The following NSL1 variants were observed in gnomAD, a reference collection of about 807,000 sequenced individuals.
The protein encoded by NSL1 is kinetochore-associated protein NSL1 homolog.
Under a neutral mutation model 25.4 loss-of-function variants are expected in NSL1, and 11 were observed. That is an observed-to-expected ratio of 0.43 (90% confidence interval 0.27 to 0.72). The LOEUF (loss-of-function observed/expected upper bound fraction) is 0.72, where lower values mean the gene tolerates loss of function less well. Ranked by LOEUF, NSL1 falls within the 30% of genes least tolerant of loss-of-function variation. The probability of loss-of-function intolerance (pLI) is 0.19; values close to 1 mark genes in which losing one functional copy is unlikely to be tolerated. For synonymous variants in NSL1, 118 were observed against 120.6 expected (o/e 0.98, Z 0.14); for missense variants, 330 against 342.7 (o/e 0.96, Z 0.29).
chr1:212,739,856 A>G (rs41314540), intron 4 of NSL1, among the ~76,000 whole-genome samples: 3,467 of 152,334 alleles, frequency 0.023, 64 homozygotes, highest in South Asian at 0.042. Flanking sequence ...AGAGAGTTCA[A>G]TGTTCATTCT....
chr1:212,739,674 T>C, intron 4 of NSL1, 73 bp from the exon 5 acceptor site: 1 of 1,446,602 alleles, frequency 6.9e-7, no homozygotes, highest in Non-Finnish European at 9.6e-7. Context: ...ATAGATACTA[T>C]CTGAAAGGCA....
intron 4 of NSL1, among the ~76,000 whole-genome samples, chr1:212,769,252 A>G (rs990682856): frequency 6.6e-6 from 1 of 152,214 alleles, no homozygotes; most frequent in Non-Finnish European, 1.5e-5. Flanking sequence ...ACACATACAG[A>G]TACAGGAAGC....
chr1:212,786,917 AC>A (rs1196872229), intron 2 of NSL1, among the ~76,000 whole-genome samples: 2 of 152,094 alleles, frequency 1.3e-5, no homozygotes, highest in African/African-American at 4.8e-5. Flanking sequence ...GCAGTGGCTC[AC>A]ATATGTAATA....
rs1384450953 is a variant in NSL1 at position 212,728,319 on chromosome 1, G to T, written c.*10089C>A. ...TTTGTACAATTCCAGGCATAAAGTG[G>T]ATTCTTTATATGCCTGTTTTAAAAA... On this transcript the variant is annotated 3_prime_UTR_variant, in exon 6 of 6. Transcript: ENST00000366977. 1.0e-6 allele frequency: 1 copy of T among 983,032 alleles called. No homozygotes were observed. The highest frequency in any genetic ancestry group is 6.1e-5 in the Admixed American group (1 of 16,264). 60.9% of individuals were successfully genotyped at this position (983,032 alleles called of 1,614,324 possible). A position where few individuals can be genotyped will look rare whatever the true frequency, so the allele number is the denominator to read the frequency against.
chr1:212,743,002 C>T (rs1658573260), intron 4 of NSL1, among the ~76,000 whole-genome samples: 1 of 152,114 alleles, frequency 6.6e-6, no homozygotes. Context: ...GCTGCTTTTG[C>T]AATAACTAAA....
At chr1:212,739,659 G>C in intron 4 of NSL1, 58 bp from the exon 5 acceptor site, 1 of 1,535,434 alleles carries the variant, frequency 6.5e-7, no homozygotes, top group Middle Eastern at 1.7e-4. Flanking sequence ...AATCATAAAA[G>C]GCATATAGAT....
intron 4 of NSL1, among the ~76,000 whole-genome samples, chr1:212,761,879 G>T (rs1438029270): frequency 6.6e-6 from 1 of 151,558 alleles, no homozygotes; most frequent in Non-Finnish European, 1.5e-5. Context: ...ACTAGATCGG[G>T]GTGTCCAATC....
intron 3 of NSL1, among the ~76,000 whole-genome samples, chr1:212,783,123 A>G (rs550827686): frequency 1.4e-4 from 22 of 152,156 alleles, no homozygotes; most frequent in Non-Finnish European, 2.1e-4. Context: ...TCTGAGCAAC[A>G]AGGAGGGAAG....
chr1:212,744,155 G>A (rs982434926), intron 4 of NSL1, among the ~76,000 whole-genome samples: 2 of 152,198 alleles, frequency 1.3e-5, no homozygotes, highest in Admixed American at 6.5e-5. Context: ...GGCAAAGGCC[G>A]TTATGAACTG....
intron 4 of NSL1, among the ~76,000 whole-genome samples, chr1:212,758,967 G>C (rs958157700): frequency 2.0e-5 from 3 of 152,144 alleles, no homozygotes; most frequent in Non-Finnish European, 4.4e-5. Flanking sequence ...TGAGAGTTCA[G>C]AAAGAAATCT....
rs1309710221 is a variant in NSL1, at chr1:212,729,397, T to C, written c.*9011A>G. ...CATCCACACAGCTCTTAGCACAGTA[T>C]TTAGATTCATCGAGTATGTGTGTAA... On this transcript the variant is annotated 3_prime_UTR_variant, in exon 6 of 6. Coordinates refer to ENST00000366977, the MANE Select transcript of NSL1 (RefSeq NM_015471.4). 14 of 983,284 alleles carry C rather than the reference T, an allele frequency of 1.4e-5. No individual in the cohort carries two copies. Among genetic ancestry groups the C allele is most frequent in the Non-Finnish European group, 1.6e-5 (13 of 828,094 alleles). The allele number at this position is 983,284 out of a possible 1,614,324, so 60.9% of individuals were successfully genotyped here.
At chr1:212,766,946 C>T (rs1321105061) in intron 4 of NSL1, among the ~76,000 whole-genome samples, 1 of 152,182 alleles carries the variant, frequency 6.6e-6, no homozygotes. Flanking sequence ...ACAGATGACA[C>T]AAACAAATGG....
rs1571852532 is a variant in NSL1, at chr1:212,729,505, T to A, written c.*8903A>T. ...AGATCCTGAGGCTCTGGAGCTGGGG[T>A]GTATGGGACCTGGAGCAGGGGTGCC... On this transcript the variant is annotated 3_prime_UTR_variant, in exon 6 of 6. Transcript: ENST00000366977. The A allele has an allele frequency of 2.6e-5, 26 of 985,158 alleles. No individual in the cohort carries two copies. The highest frequency in any genetic ancestry group is 3.5e-5 in the African/African-American group (2 of 57,186). 61.0% of individuals were successfully genotyped at this position (985,158 alleles called of 1,614,324 possible).
chr1:212,772,344 A>C (rs1660158556), intron 4 of NSL1, among the ~76,000 whole-genome samples: 1 of 152,106 alleles, frequency 6.6e-6, no homozygotes, highest in South Asian at 2.1e-4. Flanking sequence ...AAATACCAAT[A>C]ACATTCCTCA....
intron 2 of NSL1, among the ~76,000 whole-genome samples, chr1:212,785,069 A>G (rs141620554): frequency 4.6e-5 from 7 of 152,346 alleles, no homozygotes; most frequent in Non-Finnish European, 8.8e-5. Context: ...GATAAAATAT[A>G]TAAGAACCAG....
rs547548079 is a variant in NSL1 at position 212,734,798 on chromosome 1, T to G, written c.*3610A>C. Among the ~76,000 whole-genome samples, 3 of 152,338 alleles carry G rather than the reference T, an allele frequency of 2.0e-5. No individual in the cohort carries two copies. The highest frequency in any genetic ancestry group is 7.2e-5 in the African/African-American group (3 of 41,582). Reference sequence around the variant, plus strand: ...ACAAAGACTTCCATGACTACTCCCCTAAGTTCCACACATACATCTATCATA... The same window carrying G: ...ACAAAGACTTCCATGACTACTCCCCGAAGTTCCACACATACATCTATCATA... On this transcript the variant is annotated 3_prime_UTR_variant, in exon 6 of 6. Transcript: ENST00000366977.
In NSL1 at chr1:212,728,935, C is replaced by A. The variant is rs752380239; in HGVS notation, c.*9473G>T. 11 of 985,142 alleles carry A rather than the reference C, an allele frequency of 1.1e-5. No homozygotes were observed. In the South Asian group the frequency reaches 4.2e-4, roughly 38 times the overall value. 61.0% of individuals were successfully genotyped at this position (985,142 alleles called of 1,614,324 possible). A position where few individuals can be genotyped will look rare whatever the true frequency, so the allele number is the denominator to read the frequency against. Reference sequence around the variant, plus strand: ...AGCAGTGTTTATTTGTGTGTTTGAACGTTTGTTCCCTTTGAATATGAAAGA... The same window carrying A: ...AGCAGTGTTTATTTGTGTGTTTGAAAGTTTGTTCCCTTTGAATATGAAAGA... On this transcript the variant is annotated 3_prime_UTR_variant, in exon 6 of 6. Coordinates refer to ENST00000366977, the MANE Select transcript of NSL1 (RefSeq NM_015471.4).
Position 212,736,655 on chromosome 1 carries a change from C to G in NSL1, c.*1753G>C, listed in dbSNP as rs931543076. The stretch of plus-strand genomic sequence containing the variant: ...AAACTTTGGGCTCTCAAGAGGATTT[C>G]AAATCTCAGCTGTCTGCCTGGGGAC... On this transcript the variant is annotated 3_prime_UTR_variant, in exon 6 of 6. Transcript: ENST00000366977. 3 of 984,886 alleles carry G rather than the reference C, an allele frequency of 3.0e-6. No individual in the cohort carries two copies. The highest frequency in any genetic ancestry group is 6.1e-5 in the Admixed American group (1 of 16,262). The allele number at this position is 984,886 out of a possible 1,614,324, so 61.0% of individuals were successfully genotyped here.
chr1:212,727,168 C>G lies in NSL1; in HGVS notation c.*11240G>C. Reference sequence around the variant, plus strand: ...TAAACTGCCCCTAGAGCTAGTCCACCAGGCTTGGCTCCTAATGTGTTAAAT... The same window carrying G: ...TAAACTGCCCCTAGAGCTAGTCCACGAGGCTTGGCTCCTAATGTGTTAAAT... On this transcript the variant is annotated 3_prime_UTR_variant, in exon 6 of 6. Coordinates refer to ENST00000366977, the MANE Select transcript of NSL1 (RefSeq NM_015471.4). 6.4e-7 allele frequency: 1 copy of G among 1,571,944 alleles called. No individual in the cohort carries two copies. Among genetic ancestry groups the G allele is most frequent in the Non-Finnish European group, 8.6e-7 (1 of 1,159,138 alleles).
Sources: allele counts gnomAD v4.1 joint callset (sites outside exome capture counted in the v4.1 genomes callset), GRCh38; gene constraint gnomAD v4.1.1; transcripts MANE v1.5; gene names NCBI Gene and HGNC (gene_info 2026-07-23, HGNC 2026-07-21).